The following PTPRN2 variants were observed in gnomAD, a reference collection of about 807,000 sequenced individuals.
The protein encoded by PTPRN2 is receptor-type tyrosine-protein phosphatase N2.
In PTPRN2, 74 loss-of-function variants were observed where a neutral mutation model predicts 118.8. The observed-to-expected ratio is 0.62, with a 90% confidence interval of 0.52 to 0.76. The LOEUF is 0.76. Among genes scored for constraint, PTPRN2 ranks in the 30% least tolerant of loss-of-function variants. The pLI, the probability that PTPRN2 is intolerant of heterozygous loss-of-function variation, is 0.00. For synonymous variants in PTPRN2, 641 were observed against 608.0 expected (o/e 1.05, Z -0.80); for missense variants, 1,481 against 1,394.4 (o/e 1.06, Z -0.99).
At chr7:158,317,940 T>G (rs1802477028) in intron 2 of PTPRN2, among the ~76,000 whole-genome samples, 1 of 152,156 alleles carries the variant, frequency 6.6e-6, no homozygotes, top group African/African-American at 2.4e-5. Context: ...CCTGCGGGTT[T>G]CTATGGGACT....
At chr7:157,954,184 TGGTACATGTGTGCTGTGTGGTGTGTG>T (rs1801018390) in intron 11 of PTPRN2, among the ~76,000 whole-genome samples, 1 of 84,376 alleles carries the variant, frequency 1.2e-5, no homozygotes, top group Non-Finnish European at 2.7e-5. Flanking sequence ...GTGGTGTGTG[TGGTACATGTGTGCTGTGTGGTGTGTG>T]TAGTCTCTGC....
At chr7:157,775,831 G>A (rs181315618) in intron 12 of PTPRN2, among the ~76,000 whole-genome samples, 24 of 152,226 alleles carry the variant, frequency 1.6e-4, no homozygotes, top group East Asian at 1.4e-3. Flanking sequence ...TAAGCCTGGC[G>A]TGGCCAGAAC....
chr7:157,758,664 G>A (rs1262692085), intron 12 of PTPRN2, among the ~76,000 whole-genome samples: 2 of 152,298 alleles, frequency 1.3e-5, no homozygotes, highest in South Asian at 2.1e-4. Context: ...TGCATCCCGC[G>A]GTGTCCTTGC....
intron 2 of PTPRN2, among the ~76,000 whole-genome samples, chr7:158,378,384 A>G (rs1348784899): frequency 6.6e-6 from 1 of 152,116 alleles, no homozygotes; most frequent in Non-Finnish European, 1.5e-5. Context: ...TGGACCCACT[A>G]GGGACTTAAG....
chr7:158,278,816 C>T lies in PTPRN2; in HGVS notation c.277+38003G>A, dbSNP rs528050046. ...TGGGTGTCACAGCTCATAAACACAG[C>T]GCATCCAGAATTGTTCATTCCTCCC... On this transcript the variant is annotated intron_variant, in intron 3 of 22. Transcript: ENST00000389418. Among the ~76,000 whole-genome samples, 69 of 152,118 alleles carry T rather than the reference C, an allele frequency of 4.5e-4. 1 individual carries two copies. The South Asian group carries it at 0.011, about 23-fold the overall frequency.
At position 158,003,723 on chromosome 7, in the gene PTPRN2, C is replaced by T. The variant is rs1805450382; in HGVS notation, c.1723+77575G>A. Among the ~76,000 whole-genome samples, 1 of 151,564 alleles carries T rather than the reference C, an allele frequency of 6.6e-6. No homozygotes were observed. Among genetic ancestry groups the T allele is most frequent in the South Asian group, 2.1e-4 (1 of 4,784 alleles). ...GCACGCCATCCGGGCTCCAGCCCTG[C>T]GGTTGGCGGGATCCAGGTTTCTTGG... On this transcript the variant is annotated intron_variant, in intron 11 of 22. Coordinates refer to ENST00000389418, the MANE Select transcript of PTPRN2 (RefSeq NM_002847.5). The surrounding 1 kb of genome is among the most constrained non-coding windows in gnomAD (Gnocchi z 5.0).
intron 1 of PTPRN2, among the ~76,000 whole-genome samples, chr7:158,535,345 T>C (rs1384437692): frequency 1.3e-5 from 2 of 152,220 alleles, no homozygotes; most frequent in African/African-American, 4.8e-5. Context: ...TTCGGGTAAG[T>C]TTCTTACATG....
At chr7:157,643,655 G>A (rs1396025980) in intron 14 of PTPRN2, among the ~76,000 whole-genome samples, 2 of 152,152 alleles carry the variant, frequency 1.3e-5, no homozygotes, top group Non-Finnish European at 2.9e-5. Flanking sequence ...TTGCACAGCC[G>A]CTGCTGCCTC....
intron 11 of PTPRN2, among the ~76,000 whole-genome samples, chr7:157,905,924 C>T (rs774540164): frequency 5.9e-5 from 9 of 152,112 alleles, no homozygotes; most frequent in South Asian, 4.1e-4. Flanking sequence ...CGAGCTGAAA[C>T]GACGTCCCCT....
At chr7:158,387,496 G>A (rs1203514095) in intron 2 of PTPRN2, among the ~76,000 whole-genome samples, 6 of 618 alleles carry the variant, frequency 9.7e-3, no homozygotes, top group East Asian at 0.25. Flanking sequence ...AGTGGAGTGC[G>A]ATCGGGTTAC....
intron 5 of PTPRN2, among the ~76,000 whole-genome samples, chr7:158,188,236 T>TCGCCGCC: frequency 1.3e-4 from 8 of 61,438 alleles, no homozygotes; most frequent in African/African-American, 4.3e-4. Context: ...GCCGCCACGC[T>TCGCCGCC]TGCCCCGCGA....
intron 11 of PTPRN2, among the ~76,000 whole-genome samples, chr7:158,007,892 GTATC>G (rs1222563963): frequency 2.0e-5 from 3 of 150,770 alleles, no homozygotes; most frequent in Non-Finnish European, 3.0e-5. Flanking sequence ...GTGTGTGTAT[GTATC>G]TGGTTGTGTG....
intron 12 of PTPRN2, among the ~76,000 whole-genome samples, chr7:157,728,677 C>A (rs536038620): frequency 6.6e-6 from 1 of 152,340 alleles, no homozygotes; most frequent in South Asian, 2.1e-4. Flanking sequence ...GTCTGCGGCT[C>A]CTTCCTTTGC....
chr7:158,235,916 G>A (rs1163592002), intron 3 of PTPRN2, among the ~76,000 whole-genome samples: 3 of 149,458 alleles, frequency 2.0e-5, no homozygotes, highest in Non-Finnish European at 2.9e-5. Flanking sequence ...TTCTACACTC[G>A]GCACCTCCAC....
At chr7:157,731,347 C>T (rs73163901) in intron 12 of PTPRN2, among the ~76,000 whole-genome samples, 9,064 of 152,260 alleles carry the variant, frequency 0.06, 495 homozygotes, top group African/African-American at 0.14. Context: ...GTGAACTCTG[C>T]GGTGACTAGA....
chr7:157,607,762 T>C (rs981138652), intron 15 of PTPRN2, among the ~76,000 whole-genome samples: 3 of 152,144 alleles, frequency 2.0e-5, no homozygotes, highest in African/African-American at 7.2e-5. Flanking sequence ...GATTTTCTCA[T>C]TGGAAAATTA....
intron 2 of PTPRN2, among the ~76,000 whole-genome samples, chr7:158,383,976 G>T (rs1215666813): frequency 6.6e-6 from 1 of 152,204 alleles, no homozygotes; most frequent in Non-Finnish European, 1.5e-5. Flanking sequence ...GCTTGAAAAT[G>T]CCACTGTTTG....
rs538063489 is a variant in PTPRN2, at chr7:158,507,568, G to C, written c.113-17783C>G. ...AGGAATATCCAGGGGACAGCCCCGT[G>C]CTAGGCAGGAAATTGCACACACGAA... On this transcript the variant is annotated intron_variant, in intron 1 of 22. Transcript: ENST00000389418. Among the ~76,000 whole-genome samples, 12 of 138,558 alleles carry C rather than the reference G, an allele frequency of 8.7e-5. No homozygotes were observed. The East Asian group carries it at 2.8e-3, about 32-fold the overall frequency. 90.9% of individuals were successfully genotyped at this position (138,558 alleles called of 152,430 possible).
At chr7:158,582,833 C>T (rs976192091) in intron 1 of PTPRN2, among the ~76,000 whole-genome samples, 20 of 138,542 alleles carry the variant, frequency 1.4e-4, no homozygotes, top group Non-Finnish European at 2.8e-4. Flanking sequence ...AATCCTTAAA[C>T]TAGTAATATT....
Sources: gnomAD v4.1 joint callset for allele counts (sites outside exome capture counted in the v4.1 genomes callset) on GRCh38, gnomAD v4.1.1 for gene constraint, Gnocchi (gnomAD v3.1) non-coding constraint, MANE v1.5 for transcripts, NCBI Gene and HGNC (gene_info 2026-07-23, HGNC 2026-07-21) for gene names.